The following ZFP3 variants were observed in gnomAD, a reference collection of about 807,000 sequenced individuals.
ZFP3 encodes ZFP3 zinc finger protein, also known as zinc finger protein 3 homolog.
A neutral mutation model predicts 36.7 loss-of-function variants in ZFP3; 18 were observed. The observed-to-expected ratio is 0.49, with a 90% CI of 0.34 to 0.73. The LOEUF (loss-of-function observed/expected upper bound fraction) is 0.73, where lower values mean the gene tolerates loss of function less well. ZFP3 is among the 30% of genes least tolerant of loss of function. The pLI is 0.01. For synonymous variants in ZFP3, 218 were observed against 199.0 expected (o/e 1.10, Z -0.81); for missense variants, 495 against 599.0 (o/e 0.83, Z 1.81).
At position 5,091,762 on chromosome 17, in the gene ZFP3, G is replaced by A. The variant is rs766421935; in HGVS notation, c.258G>A (p.Arg86=). The part of the protein sequence containing the change: ...FKKSPSSEKD[R]ENNESERGCS... ...AATCACCCTCAAGTGAGAAAGACCG[G>A]GAGAATAATGAGAGTGAGAGAGGCT... Residue 86 remains arginine (R), a synonymous_variant, in exon 2 of 2, where the codon CGG becomes CGA. Transcript: ENST00000318833. 1.2e-6 allele frequency: 2 copies of A among 1,614,206 alleles called. No individual in the cohort carries two copies. Among genetic ancestry groups the A allele is most frequent in the Middle Eastern group, 3.3e-4 (2 of 6,062 alleles).
At chr17:5,081,094 T>TC (rs59270897) in intron 1 of ZFP3, among the ~76,000 whole-genome samples, 1,363 of 68,052 alleles carry the variant, frequency 0.02, 20 homozygotes, top group African/African-American at 0.083. Flanking sequence ...GTTTCTGTTC[T>TC]TTTTTTTTTT....
In ZFP3 at chr17:5,093,204, G is replaced by T; in HGVS notation, c.*191G>T. The T allele has an allele frequency of 1.7e-6, 1 of 574,750 alleles. No individual in the cohort carries two copies. The highest frequency in any genetic ancestry group is 2.9e-6 in the Non-Finnish European group (1 of 340,562). The allele number at this position is 574,750 out of a possible 1,614,324, so 35.6% of individuals were successfully genotyped here. On this transcript the variant is annotated 3_prime_UTR_variant, in exon 2 of 2. Coordinates refer to ENST00000318833, the MANE Select transcript of ZFP3 (RefSeq NM_153018.3). ...TTTTTTTTTTTTTTTAAGCATTGGGGTCTTGCTCTGTTGCCCAGGATGGGA... is the reference window on the plus strand; with the variant it reads ...TTTTTTTTTTTTTTTAAGCATTGGGTTCTTGCTCTGTTGCCCAGGATGGGA...
At chr17:5,079,866 C>A (rs368890150) in intron 1 of ZFP3, among the ~76,000 whole-genome samples, 1 of 151,934 alleles carries the variant, frequency 6.6e-6, no homozygotes, top group African/African-American at 2.4e-5. Context: ...ATGGTGAAAC[C>A]CTGTCTCTAC....
intron 1 of ZFP3, among the ~76,000 whole-genome samples, chr17:5,086,930 G>T (rs937594946): frequency 6.6e-6 from 1 of 151,242 alleles, no homozygotes; most frequent in Admixed American, 6.6e-5. Flanking sequence ...GAGTTTCACC[G>T]TGTTAGCCAA....
chr17:5,091,255 G>C (rs1050802639), intron 1 of ZFP3, among the ~76,000 whole-genome samples: 1 of 151,764 alleles, frequency 6.6e-6, no homozygotes, highest in African/African-American at 2.4e-5. Context: ...TTTCTGTTTT[G>C]TTTTTTTGTT....
At position 5,093,129 on chromosome 17, in the gene ZFP3, C is replaced by T. The variant is rs1458553465; in HGVS notation, c.*116C>T. The T allele has an allele frequency of 1.1e-5, 13 of 1,131,946 alleles. No homozygotes were observed. The Admixed American group carries it at 2.7e-4, about 24-fold the overall frequency. 70.1% of individuals were successfully genotyped at this position (1,131,946 alleles called of 1,614,324 possible). On this transcript the variant is annotated 3_prime_UTR_variant, in exon 2 of 2. Transcript: ENST00000318833. The stretch of plus-strand genomic sequence containing the variant: ...ATCCAATGAATGGACAGAACCTCCT[C>T]TGTCCTCCCACTGATTTTAAATAGT...
chr17:5,089,235 G>A (rs1169978027), intron 1 of ZFP3, among the ~76,000 whole-genome samples: 1 of 152,208 alleles, frequency 6.6e-6, no homozygotes, highest in Non-Finnish European at 1.5e-5. Context: ...GGATTGGTAT[G>A]GCAGTACCAT....
rs1348438553 is a variant in ZFP3, at chr17:5,094,662, ATTC to A, written c.*1652_*1654del. Reference sequence around the variant, plus strand: ...AAATTTAACTTTATATATCTTTATTATTCTTTAACCTCATCTTTGTTACACTAA... The same window carrying A: ...AAATTTAACTTTATATATCTTTATTATTTAACCTCATCTTTGTTACACTAA... On this transcript the variant is annotated 3_prime_UTR_variant, in exon 2 of 2. Transcript: ENST00000318833. 6 of 167,206 alleles carry A rather than the reference ATTC, an allele frequency of 3.6e-5. No homozygotes were observed. The highest frequency in any genetic ancestry group is 2.6e-4 in the Admixed American group (4 of 15,294). The allele number at this position is 167,206 out of a possible 1,614,324, so 10.4% of individuals were successfully genotyped here.
At chr17:5,083,210 A>C (rs892436548) in intron 1 of ZFP3, among the ~76,000 whole-genome samples, 1 of 151,924 alleles carries the variant, frequency 6.6e-6, no homozygotes, top group African/African-American at 2.4e-5. Context: ...CCTGTAGGCC[A>C]GGTTTTGGGT....
intron 1 of ZFP3, among the ~76,000 whole-genome samples, chr17:5,083,666 G>T (rs983586813): frequency 6.6e-6 from 1 of 152,174 alleles, no homozygotes; most frequent in Admixed American, 6.5e-5. Flanking sequence ...GATTCTGAGA[G>T]ATCTGAGATG....
At chr17:5,084,033 A>AT (rs778084319) in intron 1 of ZFP3, among the ~76,000 whole-genome samples, 8 of 151,536 alleles carry the variant, frequency 5.3e-5, no homozygotes. Context: ...TGCCCAGCCA[A>AT]TTTTTGTATT....
rs3744705 is a variant in ZFP3, at chr17:5,093,675, C to A, written c.*662C>A. On this transcript the variant is annotated 3_prime_UTR_variant, in exon 2 of 2. Transcript: ENST00000318833. ...TGTTATTAGCTTCAAAGTCGTCCAGCCCTGCTATGAAGTTACTTTAGAAGA... is the reference window on the plus strand; with the variant it reads ...TGTTATTAGCTTCAAAGTCGTCCAGACCTGCTATGAAGTTACTTTAGAAGA... 2.8e-3 allele frequency: 460 copies of A among 167,064 alleles called. 5 individuals carry two copies. The highest frequency in any genetic ancestry group is 0.011 in the African/African-American group (437 of 41,516). The allele number at this position is 167,064 out of a possible 1,614,324, so 10.3% of individuals were successfully genotyped here.
rs576634315 is a variant in ZFP3 at position 5,096,206 on chromosome 17, C to T, written c.*3193C>T. On this transcript the variant is annotated 3_prime_UTR_variant, in exon 2 of 2. Coordinates refer to ENST00000318833, the MANE Select transcript of ZFP3 (RefSeq NM_153018.3). ...GACATGAATTGTCTTAATTTTAGAC[C>T]CATTAAAAAACCGCACAGGCCTCAA... The T allele has an allele frequency of 3.6e-5, 6 of 167,024 alleles. No homozygotes were observed. Among genetic ancestry groups the T allele is most frequent in the African/African-American group, 1.4e-4 (6 of 41,476 alleles). 10.3% of individuals were successfully genotyped at this position (167,024 alleles called of 1,614,324 possible).
At chr17:5,087,560 G>A (rs1303421062) in intron 1 of ZFP3, among the ~76,000 whole-genome samples, 2 of 152,078 alleles carry the variant, frequency 1.3e-5, no homozygotes, top group African/African-American at 2.4e-5. Context: ...ATTTGAGGAG[G>A]GTTTATTTGC....
In ZFP3 at chr17:5,079,943, G is replaced by C. The variant is rs553242731; in HGVS notation, c.-9+1368G>C. Among the ~76,000 whole-genome samples, 23 of 152,288 alleles carry C rather than the reference G, an allele frequency of 1.5e-4. No individual in the cohort carries two copies. In the East Asian group the frequency reaches 4.1e-3, roughly 27 times the overall value. On this transcript the variant is annotated intron_variant, in intron 1 of 1. Transcript: ENST00000318833. ...AATACCAGCTGCTTGGGAGGCTGAG[G>C]TGGGAGAATCGCCTGAGCCTGGGAG...
At chr17:5,079,339 TAGTG>T (rs2072081610) in intron 1 of ZFP3, among the ~76,000 whole-genome samples, 1 of 151,846 alleles carries the variant, frequency 6.6e-6, no homozygotes, top group African/African-American at 2.4e-5. Flanking sequence ...CTGGGCAACA[TAGTG>T]AGACACCATC....
Position 5,093,320 on chromosome 17 carries a change from G to A in ZFP3, c.*307G>A. 1 of 289,568 alleles carries A rather than the reference G, an allele frequency of 3.5e-6. No homozygotes were observed. The highest frequency in any genetic ancestry group is 6.8e-6 in the Non-Finnish European group (1 of 147,238). 17.9% of individuals were successfully genotyped at this position (289,568 alleles called of 1,614,324 possible). A position where few individuals can be genotyped will look rare whatever the true frequency, so the allele number is the denominator to read the frequency against. ...AGCCTTCCAAATAGCTAGGACTGCA[G>A]GCACTAATGAGGCACTTTTATGAAT... is the stretch of plus-strand genomic sequence containing the variant. On this transcript the variant is annotated 3_prime_UTR_variant, in exon 2 of 2. Transcript: ENST00000318833.
Position 5,096,217 on chromosome 17 carries a change from C to T in ZFP3, c.*3204C>T, listed in dbSNP as rs1320187492. The T allele has an allele frequency of 6.0e-6, 1 of 167,032 alleles. No homozygotes were observed. The highest frequency in any genetic ancestry group is 1.9e-4 in the East Asian group (1 of 5,200). The allele number at this position is 167,032 out of a possible 1,614,324, so 10.3% of individuals were successfully genotyped here. A position where few individuals can be genotyped will look rare whatever the true frequency, so the allele number is the denominator to read the frequency against. ...TCTTAATTTTAGACCCATTAAAAAACCGCACAGGCCTCAATCTTAAAAGTC... is the reference window on the plus strand; with the variant it reads ...TCTTAATTTTAGACCCATTAAAAAATCGCACAGGCCTCAATCTTAAAAGTC... On this transcript the variant is annotated 3_prime_UTR_variant, in exon 2 of 2. Coordinates refer to ENST00000318833, the MANE Select transcript of ZFP3 (RefSeq NM_153018.3).
chr17:5,087,381 A>G (rs1295767403), intron 1 of ZFP3, among the ~76,000 whole-genome samples: 2 of 152,006 alleles, frequency 1.3e-5, no homozygotes, highest in Non-Finnish European at 2.9e-5. Flanking sequence ...CCTAGCCTTC[A>G]CTCGATATTT....
Sources: allele counts gnomAD v4.1 joint callset (sites outside exome capture counted in the v4.1 genomes callset), GRCh38; gene constraint gnomAD v4.1.1; transcripts MANE v1.5; gene names NCBI Gene and HGNC (gene_info 2026-07-23, HGNC 2026-07-21).